Variants in WWP1 observed in about 807,000 individuals in gnomAD.
WWP1 encodes the protein WW domain containing E3 ubiquitin protein ligase 1, also known as NEDD4-like E3 ubiquitin-protein ligase WWP1.
Under a neutral mutation model 130.6 loss-of-function variants are expected in WWP1, and 49 were observed. The observed-to-expected ratio is 0.38, with a 90% CI of 0.30 to 0.48. The LOEUF (loss-of-function observed/expected upper bound fraction) is 0.48. Ranked by LOEUF, WWP1 falls within the 20% of genes least tolerant of loss-of-function variation. The pLI is 0.99. For synonymous variants in WWP1, 332 were observed against 367.8 expected (o/e 0.90, Z 1.11); for missense variants, 809 against 1,100.6 (o/e 0.74, Z 3.75).
At chr8:86,450,876 G>A (rs1464874593) in intron 20 of WWP1, among the ~76,000 whole-genome samples, 2 of 151,944 alleles carry the variant, frequency 1.3e-5, no homozygotes, top group Non-Finnish European at 2.9e-5. Flanking sequence ...GCTGGGAGGA[G>A]TCAGGAAAGT....
At chr8:86,462,711 C>CA (rs1386582179) in intron 24 of WWP1, among the ~76,000 whole-genome samples, 1 of 152,036 alleles carries the variant, frequency 6.6e-6, no homozygotes, top group Non-Finnish European at 1.5e-5. Context: ...TTCAAGAGGT[C>CA]AAAACTATTT....
intron 24 of WWP1, among the ~76,000 whole-genome samples, chr8:86,464,920 CGT>C (rs59046717): frequency 0.27 from 40,909 of 151,444 alleles, 6,370 homozygotes; most frequent in East Asian, 0.53. Context: ...CATGCGCGCG[CGT>C]GTGTGTGTGT....
intron 1 of WWP1, among the ~76,000 whole-genome samples, chr8:86,357,376 C>G (rs577626945): frequency 1.3e-5 from 2 of 152,186 alleles, no homozygotes; most frequent in African/African-American, 2.4e-5. Context: ...GCCAAATACT[C>G]TTTTCATTTT....
intron 1 of WWP1, among the ~76,000 whole-genome samples, chr8:86,355,415 G>A (rs1823196504): frequency 6.6e-6 from 1 of 152,150 alleles, no homozygotes; most frequent in Admixed American, 6.5e-5. Context: ...AATGCAGCAA[G>A]TATGTGTATT....
intron 20 of WWP1, among the ~76,000 whole-genome samples, chr8:86,450,555 A>G (rs1401348360): frequency 1.3e-5 from 2 of 152,254 alleles, no homozygotes; most frequent in Admixed American, 6.5e-5. Flanking sequence ...AAATTTCACT[A>G]TGTAAGATGT....
At chr8:86,362,566 T>C (rs1823732713) in intron 1 of WWP1, among the ~76,000 whole-genome samples, 1 of 151,928 alleles carries the variant, frequency 6.6e-6, no homozygotes, top group Non-Finnish European at 1.5e-5. Context: ...TCAAAGGAAT[T>C]TTTTTCTCCC....
intron 20 of WWP1, among the ~76,000 whole-genome samples, chr8:86,450,321 T>G (rs1811107384): frequency 6.6e-6 from 1 of 152,204 alleles, no homozygotes; most frequent in Admixed American, 6.5e-5. Flanking sequence ...GTATTTTTGT[T>G]TTGCTTTGTT....
intron 16 of WWP1, among the ~76,000 whole-genome samples, chr8:86,437,087 G>C (rs888738038): frequency 4.6e-5 from 7 of 152,032 alleles, no homozygotes; most frequent in African/African-American, 1.7e-4. Flanking sequence ...CCCTGTCTTG[G>C]GAAGAATCAT....
chr8:86,362,199 T>TATATATATATACATATAC (rs1409280271), intron 1 of WWP1, among the ~76,000 whole-genome samples: 24 of 121,032 alleles, frequency 2.0e-4, no homozygotes, highest in African/African-American at 7.2e-4. Context: ...TATATATATA[T>TATATATATATACATATAC]ATACTGGAAA....
intron 18 of WWP1, among the ~76,000 whole-genome samples, chr8:86,446,110 T>C (rs1045725494): frequency 2.7e-5 from 4 of 147,550 alleles, no homozygotes; most frequent in African/African-American, 1.0e-4. Flanking sequence ...ACCTCCTGAG[T>C]AGCTGGGACC....
chr8:86,451,722 T>TAGA (rs1174553863), intron 20 of WWP1, among the ~76,000 whole-genome samples: 1 of 152,134 alleles, frequency 6.6e-6, no homozygotes, highest in Non-Finnish European at 1.5e-5. Flanking sequence ...ACAGCTTGGC[T>TAGA]TTCTCTTCAT....
chr8:86,383,488 T>G (rs1447714436), intron 5 of WWP1, among the ~76,000 whole-genome samples: 1 of 152,214 alleles, frequency 6.6e-6, no homozygotes, highest in Non-Finnish European at 1.5e-5. Context: ...ATGCCTGTAA[T>G]CCCACCACTT....
chr8:86,379,042 A>G (rs1824830935), intron 3 of WWP1, among the ~76,000 whole-genome samples: 1 of 152,240 alleles, frequency 6.6e-6, no homozygotes, highest in Non-Finnish European at 1.5e-5. Flanking sequence ...AGATATGTCT[A>G]TCCCTCTGCT....
At position 86,449,967 on chromosome 8, in the gene WWP1, G is replaced by A. The variant is rs566299388; in HGVS notation, c.2273+1454G>A. Among the ~76,000 whole-genome samples, 8 of 152,266 alleles carry A rather than the reference G, an allele frequency of 5.3e-5. No individual in the cohort carries two copies. In the South Asian group the frequency reaches 1.2e-3, roughly 24 times the overall value. ...TAGGTTGTGTCCAGTTTGGGCCACTGCAAACAAGACAGCAGAAAACTTCCT... is the reference window on the plus strand; with the variant it reads ...TAGGTTGTGTCCAGTTTGGGCCACTACAAACAAGACAGCAGAAAACTTCCT... On this transcript the variant is annotated intron_variant, in intron 20 of 24. Transcript: ENST00000517970.
chr8:86,405,035 C>T (rs1413808479), intron 8 of WWP1: 1 of 152,208 alleles, frequency 6.6e-6, no homozygotes, highest in Admixed American at 6.5e-5. Flanking sequence ...TTTACAGAGG[C>T]TTCCGGAACC....
At chr8:86,383,802 A>T (rs1825128154) in intron 5 of WWP1, among the ~76,000 whole-genome samples, 1 of 152,244 alleles carries the variant, frequency 6.6e-6, no homozygotes, top group Non-Finnish European at 1.5e-5. Flanking sequence ...TAGGATACGG[A>T]TATGCTCAGG....
rs918746834 is a variant in WWP1, at chr8:86,396,897, C to T, written c.335-1445C>T. ...TAGAGGCGTGAGCCACCGTGTCTGGCCTTAATTTTTAAATTTTTTAGAGAC... is the reference window on the plus strand; with the variant it reads ...TAGAGGCGTGAGCCACCGTGTCTGGTCTTAATTTTTAAATTTTTTAGAGAC... On this transcript the variant is annotated intron_variant, in intron 5 of 24. Transcript: ENST00000517970. Among the ~76,000 whole-genome samples the T allele has an allele frequency of 2.0e-5, 3 of 152,222 alleles. No homozygotes were observed. In the South Asian group the frequency reaches 6.2e-4, roughly 32 times the overall value.
chr8:86,434,105 C>T (rs1810150593), intron 14 of WWP1, among the ~76,000 whole-genome samples: 1 of 152,160 alleles, frequency 6.6e-6, no homozygotes, highest in African/African-American at 2.4e-5. Context: ...GTAGCAGAGT[C>T]CTCTCTCTGC....
intron 3 of WWP1, among the ~76,000 whole-genome samples, chr8:86,374,612 C>G (rs1283384210): frequency 1.3e-5 from 2 of 152,144 alleles, no homozygotes; most frequent in Admixed American, 6.5e-5. Flanking sequence ...ATCCTGAGTT[C>G]ATGCTGATAT....
Sources: gnomAD v4.1 joint callset for allele counts (sites outside exome capture counted in the v4.1 genomes callset) on GRCh38, gnomAD v4.1.1 for gene constraint, MANE v1.5 for transcripts, NCBI Gene and HGNC (gene_info 2026-07-23, HGNC 2026-07-21) for gene names.